PACRG: variants seen among roughly 807,000 people sequenced by gnomAD.
PACRG encodes parkin coregulated.
PACRG carries 29 observed loss-of-function variants against 29.7 expected under a neutral mutation model. The observed-to-expected ratio is 0.98, with a 90% confidence interval of 0.73 to 1.33. The LOEUF is 1.33. Ranked by LOEUF, PACRG falls within the 40% of genes most tolerant of loss-of-function variation. The pLI is 0.00. For synonymous variants in PACRG, 116 were observed against 118.7 expected (o/e 0.98, Z 0.15); for missense variants, 279 against 316.2 (o/e 0.88, Z 0.89).
intron 4 of PACRG, among the ~76,000 whole-genome samples, chr6:163,154,007 C>T (rs1274384564): frequency 1.3e-5 from 2 of 152,154 alleles, no homozygotes; most frequent in African/African-American, 4.8e-5. Context: ...TTTGCACCAG[C>T]GATCATATGT....
intron 1 of PACRG, among the ~76,000 whole-genome samples, chr6:162,752,900 C>T (rs1185990544): frequency 6.6e-6 from 1 of 152,028 alleles, no homozygotes; most frequent in African/African-American, 2.4e-5. Flanking sequence ...TTCATTCCAC[C>T]ATATACTTTA....
intron 4 of PACRG, among the ~76,000 whole-genome samples, chr6:163,307,785 A>G (rs575195429): frequency 1.4e-4 from 21 of 152,350 alleles, no homozygotes; most frequent in African/African-American, 4.6e-4. Context: ...CTAAAAGCAG[A>G]TAACTTCACG....
chr6:162,784,546 T>A (rs923911774), intron 1 of PACRG, among the ~76,000 whole-genome samples: 2 of 152,192 alleles, frequency 1.3e-5, no homozygotes, highest in Non-Finnish European at 2.9e-5. Context: ...TTTGTTTGTT[T>A]TATTGTTGTT....
At chr6:162,817,200 T>G (rs1369957239) in intron 2 of PACRG, among the ~76,000 whole-genome samples, 1 of 152,226 alleles carries the variant, frequency 6.6e-6, no homozygotes, top group Non-Finnish European at 1.5e-5. Context: ...AATGTGCTGG[T>G]CTGGGGATCC....
intron 4 of PACRG, among the ~76,000 whole-genome samples, chr6:163,229,501 A>T (rs1328446073): frequency 6.6e-6 from 1 of 152,214 alleles, no homozygotes; most frequent in Non-Finnish European, 1.5e-5. Context: ...TGGTTTAGCA[A>T]GGAGTTGTCT....
intron 4 of PACRG, chr6:163,310,500 GC>G (rs1785371070): frequency 6.6e-6 from 1 of 152,226 alleles, no homozygotes; most frequent in Admixed American, 6.5e-5. Flanking sequence ...AGGGAGGACA[GC>G]CTGTGAAACA....
At chr6:163,183,033 T>A (rs951005170) in intron 4 of PACRG, 2 of 152,212 alleles carry the variant, frequency 1.3e-5, no homozygotes, top group African/African-American at 4.8e-5. Flanking sequence ...ACTATGTGGG[T>A]GATCCAGGTT....
At position 162,728,000 on chromosome 6, in the gene PACRG, G is replaced by C; in HGVS notation, c.-236G>C. 1 of 628,036 alleles carries C rather than the reference G, an allele frequency of 1.6e-6. No individual in the cohort carries two copies. The highest frequency in any genetic ancestry group is 2.8e-6 in the Non-Finnish European group (1 of 357,260). The allele number at this position is 628,036 out of a possible 1,614,324, so 38.9% of individuals were successfully genotyped here. A position where few individuals can be genotyped will look rare whatever the true frequency, so the allele number is the denominator to read the frequency against. On this transcript the variant is annotated 5_prime_UTR_variant, in exon 1 of 5. Coordinates refer to ENST00000366888, the MANE Select transcript of PACRG (RefSeq NM_001080379.2). ...CTTAGCAACCGGGAGGCTTACCTTT[G>C]GAAGCTTGTTGCAGCTCTAGCCAAG...
chr6:163,107,499 C>T (rs1388039375), intron 4 of PACRG, among the ~76,000 whole-genome samples: 1 of 152,170 alleles, frequency 6.6e-6, no homozygotes, highest in African/African-American at 2.4e-5. Context: ...TCCTGAGTCA[C>T]ACGGCGCACA....
At chr6:163,171,068 T>G (rs986961806) in intron 4 of PACRG, 3 of 152,238 alleles carry the variant, frequency 2.0e-5, no homozygotes, top group African/African-American at 7.2e-5. Context: ...AATTTTGTTT[T>G]GATGTCTCAA....
In PACRG at chr6:162,799,100, G is replaced by A. The variant is rs563593200; in HGVS notation, c.157-15047G>A. 4.6e-5 allele frequency among the ~76,000 whole-genome samples: 7 copies of A among 152,234 alleles called. No homozygotes were observed. The East Asian group carries it at 1.2e-3, about 25-fold the overall frequency. ...CAAGTCAGACTTGTTGATGGAGAGT[G>A]GTCAGGAGTTCAATCTGCATGTGGA... On this transcript the variant is annotated intron_variant, in intron 1 of 4. Coordinates refer to ENST00000366888, the MANE Select transcript of PACRG (RefSeq NM_001080379.2).
intron 1 of PACRG, among the ~76,000 whole-genome samples, chr6:162,734,950 T>C (rs1047488549): frequency 6.6e-6 from 1 of 152,222 alleles, no homozygotes; most frequent in Non-Finnish European, 1.5e-5. Context: ...CAGACTAGTT[T>C]CACCTGTTTT....
intron 4 of PACRG, among the ~76,000 whole-genome samples, chr6:163,188,979 A>G (rs1780080481): frequency 6.6e-6 from 1 of 152,202 alleles, no homozygotes; most frequent in Non-Finnish European, 1.5e-5. Context: ...AGTGACCAAC[A>G]TACTTTTCTT....
chr6:163,034,324 G>A (rs1159568197), intron 2 of PACRG, among the ~76,000 whole-genome samples: 1 of 152,184 alleles, frequency 6.6e-6, no homozygotes, highest in Non-Finnish European at 1.5e-5. Context: ...CAAAGAGCAA[G>A]GCAGATTATT....
chr6:162,913,666 A>G (rs1309908766), intron 2 of PACRG, among the ~76,000 whole-genome samples: 1 of 152,204 alleles, frequency 6.6e-6, no homozygotes, highest in Non-Finnish European at 1.5e-5. Flanking sequence ...ATATCACTTT[A>G]TATTTCCACT....
At chr6:163,015,533 G>A (rs1015862875) in intron 2 of PACRG, among the ~76,000 whole-genome samples, 2 of 152,070 alleles carry the variant, frequency 1.3e-5, no homozygotes, top group Non-Finnish European at 2.9e-5. Flanking sequence ...TTTTCTAGCA[G>A]TATTTTGTAG....
chr6:162,770,475 G>A (rs1244961349), intron 1 of PACRG, among the ~76,000 whole-genome samples: 1 of 152,020 alleles, frequency 6.6e-6, no homozygotes, highest in Non-Finnish European at 1.5e-5. Flanking sequence ...GGGATTATTG[G>A]CATATGAGCT....
chr6:162,940,744 G>T (rs923303304), intron 2 of PACRG, among the ~76,000 whole-genome samples: 7 of 152,100 alleles, frequency 4.6e-5, no homozygotes, highest in Non-Finnish European at 1.0e-4. Context: ...GTTTGATTTT[G>T]TGGGCATTTT....
At chr6:162,901,892 G>A (rs1584707833) in intron 2 of PACRG, among the ~76,000 whole-genome samples, 1 of 152,218 alleles carries the variant, frequency 6.6e-6, no homozygotes, top group African/African-American at 2.4e-5. Context: ...GATCGCTAAG[G>A]TAATTACAGT....
Sources: gnomAD v4.1 joint callset for allele counts (sites outside exome capture counted in the v4.1 genomes callset) on GRCh38, gnomAD v4.1.1 for gene constraint, MANE v1.5 for transcripts, NCBI Gene and HGNC (gene_info 2026-07-23, HGNC 2026-07-21) for gene names.